The following TMEM8B variants were observed in gnomAD, a reference collection of about 807,000 sequenced individuals.
The protein encoded by TMEM8B is nasopharyngeal carcinoma expressed 6.
TMEM8B carries 29 observed loss-of-function variants against 49.3 expected under a neutral mutation model. The ratio of observed to expected loss-of-function variants is 0.59; its 90% CI spans 0.44 to 0.80. The LOEUF is 0.80. Ranked by LOEUF, TMEM8B falls within the 30% of genes least tolerant of loss-of-function variation. TMEM8B has a pLI of 0.00. For missense variants in TMEM8B, 575 were observed against 658.5 expected, an observed-to-expected ratio of 0.87 and a Z score of 1.39; for synonymous variants, 264 against 272.8, an observed-to-expected ratio of 0.97 and a Z score of 0.32.
Position 35,856,599 on chromosome 9 carries a change from G to C in TMEM8B, c.*2759G>C, listed in dbSNP as rs990885472. ...TTTGGGAGACCTTGGAGGACAAAGTGCAGTGACCACAGCTATTGGAACATT... is the reference window on the plus strand; with the variant it reads ...TTTGGGAGACCTTGGAGGACAAAGTCCAGTGACCACAGCTATTGGAACATT... On this transcript the variant is annotated 3_prime_UTR_variant, in exon 13 of 13. Coordinates refer to ENST00000643932, the MANE Select transcript of TMEM8B (RefSeq NM_001042590.4). 15 of 152,244 alleles carry C rather than the reference G, an allele frequency of 9.9e-5. No homozygotes were observed. In the East Asian group the frequency reaches 2.9e-3, roughly 29 times the overall value. 9.4% of individuals were successfully genotyped at this position (152,244 alleles called of 1,614,324 possible). A position where few individuals can be genotyped will look rare whatever the true frequency, so the allele number is the denominator to read the frequency against.
In TMEM8B at chr9:35,829,270, T is replaced by A; in HGVS notation, c.-178T>A. ...AGGCCGCCGCCGCGGGGCCTGGTTA[T>A]CGCCGGTTCAGCGCAGCCCGGAGTC... is the stretch of plus-strand genomic sequence containing the variant. On this transcript the variant is annotated 5_prime_UTR_variant, in exon 1 of 13. Transcript: ENST00000643932. 5.6e-6 allele frequency: 2 copies of A among 357,816 alleles called. No individual in the cohort carries two copies. The highest frequency in any genetic ancestry group is 1.0e-5 in the Non-Finnish European group (2 of 199,056). 22.2% of individuals were successfully genotyped at this position (357,816 alleles called of 1,614,324 possible). A position where few individuals can be genotyped will look rare whatever the true frequency, so the allele number is the denominator to read the frequency against.
Sources: gnomAD v4.1 joint callset for allele counts on GRCh38, gnomAD v4.1.1 for gene constraint, MANE v1.5 for transcripts, NCBI Gene and HGNC (gene_info 2026-07-23, HGNC 2026-07-21) for gene names.